The following DEPTOR variants were observed in gnomAD, a reference collection of about 807,000 sequenced individuals.
DEPTOR encodes DEP domain containing MTOR interacting protein, also known as DEP domain-containing mTOR-interacting protein.
Under a neutral mutation model 41.6 loss-of-function variants are expected in DEPTOR, and 41 were observed. That is an observed-to-expected ratio of 0.98 (90% confidence interval 0.77 to 1.28). The LOEUF (loss-of-function observed/expected upper bound fraction) is 1.28, where lower values mean the gene tolerates loss of function less well. Ranked by LOEUF, DEPTOR falls within the 50% of genes most tolerant of loss-of-function variation. DEPTOR has a pLI of 0.00. For missense variants in DEPTOR, 514 were observed against 527.9 expected (o/e 0.97, Z 0.26); for synonymous variants, 195 against 192.3 (o/e 1.01, Z -0.12).
rs776018417 is a variant in DEPTOR, at chr8:120,003,117, T to A, written c.925+6T>A. On this transcript the variant is annotated splice_donor_region_variant and intron_variant, in intron 6 of 8. Transcript: ENST00000286234. ...GCTCTGCAACCCCAAGTCCGGTGAG[T>A]GCCCAAAAGGTGGCCCCGCTCCTAA... 2 of 1,610,884 alleles carry A rather than the reference T, an allele frequency of 1.2e-6. No homozygotes were observed. Among genetic ancestry groups the A allele is most frequent in the African/African-American group, 2.7e-5 (2 of 74,806 alleles).
At chr8:119,985,826 C>CTTTTT (rs999602227) in intron 4 of DEPTOR, among the ~76,000 whole-genome samples, 2 of 41,634 alleles carry the variant, frequency 4.8e-5, no homozygotes, top group Non-Finnish European at 8.2e-5. Flanking sequence ...AACCCCTGCT[C>CTTTTT]TTTTTTTTTT....
At chr8:119,962,140 C>T (rs551194613) in intron 3 of DEPTOR, among the ~76,000 whole-genome samples, 1 of 150,884 alleles carries the variant, frequency 6.6e-6, no homozygotes, top group Non-Finnish European at 1.5e-5. Flanking sequence ...GCCTGTAGTT[C>T]CAGCTACTTG....
chr8:120,015,617 T>G (rs1358942960), intron 8 of DEPTOR, among the ~76,000 whole-genome samples: 1 of 151,836 alleles, frequency 6.6e-6, no homozygotes, highest in Non-Finnish European at 1.5e-5. Context: ...TGGACACACG[T>G]GGAGTGGTTT....
At chr8:119,898,301 C>T (rs189507636) in intron 1 of DEPTOR, among the ~76,000 whole-genome samples, 390 of 152,172 alleles carry the variant, frequency 2.6e-3, no homozygotes, top group Non-Finnish European at 4.1e-3. Flanking sequence ...TGTGTTTCTG[C>T]GGTTTCTATA....
At chr8:119,954,640 TC>T (rs1563975074) in intron 3 of DEPTOR, among the ~76,000 whole-genome samples, 1 of 152,186 alleles carries the variant, frequency 6.6e-6, no homozygotes, top group African/African-American at 2.4e-5. Context: ...GAATTTTTTT[TC>T]CCAGTGTACA....
At chr8:119,947,194 G>A (rs4871028) in intron 3 of DEPTOR, among the ~76,000 whole-genome samples, 113,351 of 152,096 alleles carry the variant, frequency 0.75, 42,283 homozygotes, top group Middle Eastern at 0.87. Context: ...CCCTCCTGCC[G>A]CTACCTCTCC....
chr8:119,956,092 T>C (rs1828413862), intron 3 of DEPTOR, among the ~76,000 whole-genome samples: 1 of 152,124 alleles, frequency 6.6e-6, no homozygotes, highest in Admixed American at 6.6e-5. Context: ...GCTGCCCAGG[T>C]GAACCCCAGA....
chr8:119,973,034 G>C (rs1175493761), intron 4 of DEPTOR, among the ~76,000 whole-genome samples: 1 of 151,900 alleles, frequency 6.6e-6, no homozygotes, highest in East Asian at 1.9e-4. Context: ...TCGCCTCCCA[G>C]GTTCAAGCAA....
At chr8:120,009,506 A>G (rs1191535830) in intron 8 of DEPTOR, among the ~76,000 whole-genome samples, 1 of 152,034 alleles carries the variant, frequency 6.6e-6, no homozygotes, top group Non-Finnish European at 1.5e-5. Context: ...CCAGCTACTC[A>G]GGAGGCTGAG....
chr8:119,963,855 C>T (rs1043496378), intron 3 of DEPTOR, among the ~76,000 whole-genome samples: 1 of 152,176 alleles, frequency 6.6e-6, no homozygotes, highest in African/African-American at 2.4e-5. Context: ...TCAAAAGAGT[C>T]ACCTATGTAG....
chr8:120,007,040 G>A (rs1188159754), intron 7 of DEPTOR, among the ~76,000 whole-genome samples, 165 bp downstream of exon 7: 7 of 152,136 alleles, frequency 4.6e-5, no homozygotes, highest in African/African-American at 1.7e-4. Context: ...AAGGCACTAA[G>A]GTGCATTAGG....
chr8:120,029,072 TA>T (rs11413385), intron 8 of DEPTOR, among the ~76,000 whole-genome samples: 53 of 146,434 alleles, frequency 3.6e-4, no homozygotes, highest in East Asian at 8.2e-4. Flanking sequence ...AAACTCCATC[TA>T]AAAAAAAAAA....
intron 3 of DEPTOR, among the ~76,000 whole-genome samples, chr8:119,931,005 G>C (rs1044982533): frequency 2.0e-5 from 3 of 151,842 alleles, no homozygotes; most frequent in African/African-American, 7.3e-5. Flanking sequence ...TGAGGTCAGG[G>C]GTTGGAAACC....
chr8:119,925,367 G>A (rs1426186215), intron 1 of DEPTOR, among the ~76,000 whole-genome samples: 1 of 151,978 alleles, frequency 6.6e-6, no homozygotes, highest in East Asian at 1.9e-4. Context: ...TCCAGCCTGG[G>A]CAACAGAGTG....
At chr8:119,902,217 T>A (rs1827603810) in intron 1 of DEPTOR, among the ~76,000 whole-genome samples, 1 of 152,188 alleles carries the variant, frequency 6.6e-6, no homozygotes, top group African/African-American at 2.4e-5. Context: ...CAAAGATGGG[T>A]ATACAATAGA....
At chr8:119,880,969 G>A (rs1405609333) in intron 1 of DEPTOR, among the ~76,000 whole-genome samples, 11 of 152,280 alleles carry the variant, frequency 7.2e-5, no homozygotes, top group South Asian at 4.2e-4. Context: ...CCAAGATGAA[G>A]TGTGCTGATT....
At chr8:119,976,716 C>T (rs1828700077) in intron 4 of DEPTOR, among the ~76,000 whole-genome samples, 1 of 152,114 alleles carries the variant, frequency 6.6e-6, no homozygotes, top group African/African-American at 2.4e-5. Flanking sequence ...ATGCAGTTGC[C>T]GTCTCCAGAT....
chr8:119,944,662 T>C (rs1157594737), intron 3 of DEPTOR, among the ~76,000 whole-genome samples: 2 of 151,014 alleles, frequency 1.3e-5, no homozygotes, highest in South Asian at 2.1e-4. Context: ...CTTTTCTTTT[T>C]TTTTTTTTTT....
chr8:119,947,097 A>G (rs1267211008), intron 3 of DEPTOR, among the ~76,000 whole-genome samples: 1 of 152,176 alleles, frequency 6.6e-6, no homozygotes, highest in African/African-American at 2.4e-5. Flanking sequence ...TGATTCTGTT[A>G]AGGTAAGTAT....
Sources: allele counts gnomAD v4.1 joint callset (sites outside exome capture counted in the v4.1 genomes callset), GRCh38; gene constraint gnomAD v4.1.1; transcripts MANE v1.5; gene names NCBI Gene and HGNC (gene_info 2026-07-23, HGNC 2026-07-21).